Variants in FARS2 observed in about 807,000 individuals in gnomAD.
FARS2 encodes the protein phenylalanyl-tRNA synthetase 2, mitochondrial.
In FARS2, 40 loss-of-function variants were observed where a neutral mutation model predicts 46.4. The ratio of observed to expected loss-of-function variants is 0.86; its 90% CI spans 0.67 to 1.12. FARS2 has a LOEUF of 1.12. FARS2 is among the 50% of genes most tolerant of loss of function. The probability of loss-of-function intolerance (pLI) is 0.00; values close to 1 mark genes in which losing one functional copy is unlikely to be tolerated. For synonymous variants in FARS2, 234 were observed against 214.9 expected, an observed-to-expected ratio of 1.09 and a Z score of -0.78; for missense variants, 513 against 567.9, an observed-to-expected ratio of 0.90 and a Z score of 0.98.
intron 1 of FARS2, among the ~76,000 whole-genome samples, chr6:5,322,162 A>G (rs1770024540): frequency 1.3e-5 from 2 of 152,360 alleles, no homozygotes; most frequent in East Asian, 1.9e-4. Flanking sequence ...TCACATAAAT[A>G]TAAATTTAAC....
At chr6:5,447,141 G>C (rs935607987) in intron 4 of FARS2, among the ~76,000 whole-genome samples, 15 of 152,192 alleles carry the variant, frequency 9.9e-5, no homozygotes, top group African/African-American at 3.6e-4. Context: ...TTACTGTGGA[G>C]TGTGAGTGGA....
At chr6:5,303,527 CTCCTGCCCTCCCTCTGA>C (rs1768475449) in intron 1 of FARS2, among the ~76,000 whole-genome samples, 1 of 152,074 alleles carries the variant, frequency 6.6e-6, no homozygotes, top group African/African-American at 2.4e-5. Flanking sequence ...GGGAGAGCCG[CTCCTGCCCTCCCTCTGA>C]GCCTGCCCTC....
At chr6:5,667,173 C>A (rs1407802761) in intron 6 of FARS2, among the ~76,000 whole-genome samples, 1 of 152,016 alleles carries the variant, frequency 6.6e-6, no homozygotes, top group Non-Finnish European at 1.5e-5. Context: ...CCCTATATGA[C>A]AAACTTGCAT....
At chr6:5,415,305 C>CTTTT (rs1242162979) in intron 3 of FARS2, among the ~76,000 whole-genome samples, 3 of 91,584 alleles carry the variant, frequency 3.3e-5, no homozygotes, top group African/African-American at 8.5e-5. Flanking sequence ...ATTTTCTTTT[C>CTTTT]TTTTCTTTTT....
At chr6:5,631,152 G>A (rs1776273902) in intron 6 of FARS2, among the ~76,000 whole-genome samples, 1 of 152,170 alleles carries the variant, frequency 6.6e-6, no homozygotes, top group Admixed American at 6.5e-5. Context: ...AAAGGAAGGT[G>A]TGAGGAACAT....
intron 4 of FARS2, among the ~76,000 whole-genome samples, chr6:5,460,661 A>T (rs1765191947): frequency 6.6e-6 from 1 of 152,170 alleles, no homozygotes; most frequent in African/African-American, 2.4e-5. Flanking sequence ...CTTACATTGC[A>T]GCTACTGCCT....
At chr6:5,457,439 C>T (rs1205190043) in intron 4 of FARS2, among the ~76,000 whole-genome samples, 5 of 152,172 alleles carry the variant, frequency 3.3e-5, no homozygotes, top group African/African-American at 4.8e-5. Context: ...TCTTGTTTTC[C>T]GTGCCTATCA....
At chr6:5,759,581 A>G (rs1165642260) in intron 6 of FARS2, among the ~76,000 whole-genome samples, 2 of 152,178 alleles carry the variant, frequency 1.3e-5, no homozygotes, top group Non-Finnish European at 2.9e-5. Flanking sequence ...GTTAAACATC[A>G]TATGTGCTGC....
intron 5 of FARS2, among the ~76,000 whole-genome samples, chr6:5,562,538 A>G (rs908635346): frequency 2.0e-5 from 3 of 152,172 alleles, no homozygotes; most frequent in South Asian, 2.1e-4. Context: ...AGTGTTCATC[A>G]GAAAGCAAGT....
intron 1 of FARS2, among the ~76,000 whole-genome samples, chr6:5,315,738 T>TTTCTTTCTTTCTTTC: frequency 0.019 from 2,431 of 125,218 alleles, 65 homozygotes; most frequent in African/African-American, 0.055. Context: ...TTCTTTCTTT[T>TTTCTTTCTTTCTTTC]TTCCTTTCTT....
intron 4 of FARS2, among the ~76,000 whole-genome samples, chr6:5,435,888 A>T (rs372636938): frequency 6.6e-6 from 1 of 152,250 alleles, no homozygotes; most frequent in East Asian, 1.9e-4. Context: ...GTCAAAATTT[A>T]AAAATCGGCT....
In FARS2 at chr6:5,640,139, GGTGTGT is replaced by G. The variant is rs3057207; in HGVS notation, c.1217+26840_1217+26845del. On this transcript the variant is annotated intron_variant, in intron 6 of 6. Transcript: ENST00000274680. Reference sequence around the variant, plus strand: ...TAATCATTTGAGGGAACTTTTGTCAGGTGTGTGTGTGTGTGTGTGTGTGTGTACCTG... The same window carrying G: ...TAATCATTTGAGGGAACTTTTGTCAGGTGTGTGTGTGTGTGTGTGTACCTG... 1.0e-3 allele frequency among the ~76,000 whole-genome samples: 150 copies of G among 149,882 alleles called. 1 individual carries two copies. The highest frequency in any genetic ancestry group is 3.2e-3 in the African/African-American group (129 of 40,910).
At chr6:5,458,941 T>A (rs1765073482) in intron 4 of FARS2, among the ~76,000 whole-genome samples, 1 of 152,198 alleles carries the variant, frequency 6.6e-6, no homozygotes, top group African/African-American at 2.4e-5. Flanking sequence ...ACAAGGATGG[T>A]GGTAGTAGTT....
intron 1 of FARS2, among the ~76,000 whole-genome samples, chr6:5,320,123 AAGG>A (rs1769861830): frequency 6.6e-6 from 1 of 152,236 alleles, no homozygotes; most frequent in Non-Finnish European, 1.5e-5. Context: ...TGACTCTAAA[AAGG>A]AGAAGAGTCC....
At position 5,630,400 on chromosome 6, in the gene FARS2, C is replaced by G. The variant is rs1323701374; in HGVS notation, c.1217+17080C>G. ...ATGGTAGAAAAATACTTTGGATGAT[C>G]ATGTTTCTTTAAATATCCCACCCGT... On this transcript the variant is annotated intron_variant, in intron 6 of 6. Transcript: ENST00000274680. This position sits in a 1 kb window ranked among gnomAD's most constrained non-coding sequence, Gnocchi z 4.2. Among the ~76,000 whole-genome samples the G allele has an allele frequency of 1.3e-5, 2 of 152,170 alleles. No individual in the cohort carries two copies. Among genetic ancestry groups the G allele is most frequent in the African/African-American group, 4.8e-5 (2 of 41,438 alleles).
chr6:5,681,535 A>G (rs1277086494), intron 6 of FARS2, among the ~76,000 whole-genome samples: 1 of 152,196 alleles, frequency 6.6e-6, no homozygotes, highest in African/African-American at 2.4e-5. Context: ...TCATTTGTGT[A>G]CAGGGGGAAA....
intron 6 of FARS2, among the ~76,000 whole-genome samples, chr6:5,733,236 A>G (rs918956630): frequency 5.3e-5 from 8 of 152,204 alleles, no homozygotes; most frequent in Admixed American, 3.3e-4. Context: ...ATGGGGAGGA[A>G]ATCACAGTAG....
At chr6:5,639,874 A>G (rs902457951) in intron 6 of FARS2, among the ~76,000 whole-genome samples, 9 of 152,162 alleles carry the variant, frequency 5.9e-5, no homozygotes, top group Non-Finnish European at 1.2e-4. Context: ...TTGAAGAGTG[A>G]CCTGCTTTAT....
chr6:5,497,013 C>G (rs904267064), intron 4 of FARS2, among the ~76,000 whole-genome samples: 1 of 152,038 alleles, frequency 6.6e-6, no homozygotes, highest in African/African-American at 2.4e-5. Flanking sequence ...GGGCATGATT[C>G]AGCCCCAAAT....
Sources: allele counts gnomAD v4.1 joint callset (sites outside exome capture counted in the v4.1 genomes callset), GRCh38; gene constraint gnomAD v4.1.1; non-coding constraint Gnocchi (gnomAD v3.1); transcripts MANE v1.5; gene names NCBI Gene and HGNC (gene_info 2026-07-23, HGNC 2026-07-21).